The following KTN1 variants were observed in gnomAD, a reference collection of about 807,000 sequenced individuals.
KTN1 encodes the protein kinectin.
KTN1 carries 130 observed loss-of-function variants against 222.5 expected under a neutral mutation model. The observed-to-expected ratio is 0.58, with a 90% CI of 0.51 to 0.68. The LOEUF is 0.68. KTN1 is among the 30% of genes least tolerant of loss of function. The probability of loss-of-function intolerance (pLI) is 0.00; values close to 1 mark genes in which losing one functional copy is unlikely to be tolerated. For missense variants in KTN1, 1,508 were observed against 1,500.4 expected, an observed-to-expected ratio of 1.01 and a Z score of -0.08; for synonymous variants, 512 against 496.3, an observed-to-expected ratio of 1.03 and a Z score of -0.42.
intron 43 of KTN1, 102 bp downstream of exon 43, chr14:55,679,787 C>T: frequency 1.7e-6 from 2 of 1,194,542 alleles, no homozygotes; most frequent in Middle Eastern, 1.9e-4. Flanking sequence ...GGAAATATTC[C>T]TTCTTTATCT....
At chr14:55,672,606 C>T (rs1366252503) in intron 37 of KTN1, 24 bp from the exon 38 acceptor site, 1 of 1,488,148 alleles carries the variant, frequency 6.7e-7, no homozygotes, top group Non-Finnish European at 9.4e-7. Context: ...TTTTACTTGG[C>T]CATGTAATTG....
chr14:55,640,833 A>G, intron 15 of KTN1, 100 bp from the exon 16 acceptor site: 3 of 940,672 alleles, frequency 3.2e-6, no homozygotes, highest in South Asian at 1.5e-5. Context: ...AACTTCAAAT[A>G]TATGGAAATA....
In KTN1 at chr14:55,667,343, T is replaced by A. The variant is rs1300335176; in HGVS notation, c.3267+13T>A. The A allele has an allele frequency of 6.9e-7, 1 of 1,441,070 alleles. No homozygotes were observed. The highest frequency in any genetic ancestry group is 1.4e-5 in the African/African-American group (1 of 70,332). 89.3% of individuals were successfully genotyped at this position (1,441,070 alleles called of 1,614,324 possible). A position where few individuals can be genotyped will look rare whatever the true frequency, so the allele number is the denominator to read the frequency against. The stretch of plus-strand genomic sequence containing the variant: ...CCCTTCTAATTTGGTAAGACTAATT[T>A]ATTATTTTTTTAACATGATGACATT... On this transcript the variant is annotated intron_variant, in intron 34 of 43. Coordinates refer to ENST00000395314, the MANE Select transcript of KTN1 (RefSeq NM_001079521.2).
At chr14:55,634,840 A>G (rs1030305644) in intron 9 of KTN1, among the ~76,000 whole-genome samples, 182 bp downstream of exon 9, 1 of 152,150 alleles carries the variant, frequency 6.6e-6, no homozygotes, top group Non-Finnish European at 1.5e-5. Context: ...CAGAAGGTGA[A>G]GAAGCAGCAA....
In KTN1 at chr14:55,653,096, A is replaced by C; in HGVS notation, c.2763+11A>C. ...CATAACTTGAAAGAGGTATAGTATA[A>C]ACAAATTACCAACATGTTACATAAG... is the stretch of plus-strand genomic sequence containing the variant. On this transcript the variant is annotated intron_variant, in intron 27 of 43. Transcript: ENST00000395314. 6.7e-7 allele frequency: 1 copy of C among 1,498,808 alleles called. No homozygotes were observed. Among genetic ancestry groups the C allele is most frequent in the Non-Finnish European group, 9.2e-7 (1 of 1,081,294 alleles). The allele number at this position is 1,498,808 out of a possible 1,614,324, so 92.8% of individuals were successfully genotyped here.
intron 1 of KTN1, among the ~76,000 whole-genome samples, chr14:55,582,234 C>T (rs973595214): frequency 1.3e-5 from 2 of 152,106 alleles, no homozygotes; most frequent in African/African-American, 4.8e-5. Context: ...CAATTTAGAT[C>T]TTTCTGTATT....
Position 55,648,785 on chromosome 14 carries a change from A to T in KTN1, c.2299-17A>T, listed in dbSNP as rs780084856. The T allele has an allele frequency of 3.9e-6, 6 of 1,540,496 alleles. No homozygotes were observed. In the African/African-American group the frequency reaches 8.2e-5, roughly 21 times the overall value. On this transcript the variant is annotated splice_polypyrimidine_tract_variant and intron_variant, in intron 20 of 43. Coordinates refer to ENST00000395314, the MANE Select transcript of KTN1 (RefSeq NM_001079521.2). ...CAGAGAGTAAAATCATGTTTTGCTT[A>T]TGTGTCTTTGAAAAAGGCAATAAGA...
In KTN1 at chr14:55,643,267, C is replaced by T. The variant is rs373543380; in HGVS notation, c.2172+1507C>T. On this transcript the variant is annotated intron_variant, in intron 18 of 43. Transcript: ENST00000395314. ...TATAGCTTACAAAAAAGATATGATA[C>T]CAATTATAAGATTTCTCTCCCCCCA... Among the ~76,000 whole-genome samples, 5 of 152,178 alleles carry T rather than the reference C, an allele frequency of 3.3e-5. No homozygotes were observed. In the East Asian group the frequency reaches 5.8e-4, roughly 18 times the overall value.
chr14:55,675,693 A>G (rs568645012), intron 40 of KTN1, 142 bp from the exon 41 acceptor site: 28 of 536,838 alleles, frequency 5.2e-5, no homozygotes, highest in East Asian at 1.2e-4. Flanking sequence ...TAGCCTTTCT[A>G]TACATCTGGT....
At chr14:55,671,524 C>T (rs2045449090) in intron 35 of KTN1, 42 bp from the exon 36 acceptor site, 3 of 1,452,628 alleles carry the variant, frequency 2.1e-6, no homozygotes, top group Non-Finnish European at 1.9e-6. Context: ...ATAAAACTTT[C>T]TGGTAGAATT....
Position 55,658,779 on chromosome 14 carries a change from T to G in KTN1, c.2961+165T>G, listed in dbSNP as rs921216745. Among the ~76,000 whole-genome samples the G allele has an allele frequency of 1.2e-4, 18 of 152,330 alleles. 2 individuals carry two copies. Among genetic ancestry groups the G allele is most frequent in the Admixed American group, 1.0e-3 (16 of 15,296 alleles). On this transcript the variant is annotated intron_variant, in intron 30 of 43. Transcript: ENST00000395314. The stretch of plus-strand genomic sequence containing the variant: ...AAAGAAAGCAACTTGCTATGTCATA[T>G]CCAAAGTAAAACAAATCTATAAAGT...
chr14:55,598,264 T>C (rs915849000), intron 1 of KTN1, among the ~76,000 whole-genome samples: 4 of 151,924 alleles, frequency 2.6e-5, no homozygotes, highest in African/African-American at 4.8e-5. Context: ...TGAAACCCCG[T>C]CTCTACTAAA....
chr14:55,677,336 G>A (rs1488954775), intron 41 of KTN1, among the ~76,000 whole-genome samples: 1 of 152,038 alleles, frequency 6.6e-6, no homozygotes, highest in African/African-American at 2.4e-5. Context: ...AATTAGCCGG[G>A]TGTGGTGGTG....
intron 25 of KTN1, 28 bp from the exon 26 acceptor site, chr14:55,652,821 AT>A: frequency 6.7e-7 from 1 of 1,481,618 alleles, no homozygotes; most frequent in African/African-American, 1.4e-5. Flanking sequence ...TAACATTTTC[AT>A]TTAGAGTTCT....
In KTN1 at chr14:55,648,096, C is replaced by T; in HGVS notation, c.2279C>T (p.Thr760Ile). The T allele has an allele frequency of 6.4e-7, 1 of 1,557,990 alleles. No homozygotes were observed. The highest frequency in any genetic ancestry group is 2.3e-5 in the East Asian group (1 of 42,778). ...LLETGLIQVA[T>I]KEEELNAIRT... Reference sequence around the variant, plus strand: ...GAAACTGGACTTATTCAGGTGGCAACTAAAGAAGAGGAGCTGAATGTAAAG... The same window carrying T: ...GAAACTGGACTTATTCAGGTGGCAATTAAAGAAGAGGAGCTGAATGTAAAG... The change falls in exon 20 of 44, where the codon ACT (threonine) becomes ATT (isoleucine). Residue 760 changes from threonine to isoleucine, a missense_variant. By Grantham distance (89) the Thr-to-Ile change is moderately conservative (BLOSUM62 -1). Coordinates refer to ENST00000395314, the MANE Select transcript of KTN1 (RefSeq NM_001079521.2).
intron 24 of KTN1, 152 bp from the exon 25 acceptor site, chr14:55,651,738 G>C: frequency 1.7e-6 from 1 of 571,648 alleles, no homozygotes; most frequent in Non-Finnish European, 3.1e-6. Flanking sequence ...TTGGAGTCAA[G>C]AGGAGGTAAA....
intron 1 of KTN1, among the ~76,000 whole-genome samples, chr14:55,601,052 A>C (rs1379480494): frequency 6.6e-6 from 1 of 152,206 alleles, no homozygotes; most frequent in Non-Finnish European, 1.5e-5. Context: ...TTCTTGGGAA[A>C]GCTGTTCAAA....
Position 55,580,297 on chromosome 14 carries a change from C to T in KTN1, c.-88C>T, listed in dbSNP as rs1165328463. 6.5e-6 allele frequency: 1 copy of T among 154,482 alleles called. No homozygotes were observed. Among genetic ancestry groups the T allele is most frequent in the East Asian group, 1.9e-4 (1 of 5,376 alleles). The allele number at this position is 154,482 out of a possible 1,614,324, so 9.6% of individuals were successfully genotyped here. A position where few individuals can be genotyped will look rare whatever the true frequency, so the allele number is the denominator to read the frequency against. ...GCGGCGGCGCCTCGGAGCGGGCGGC[C>T]CGGGCTGTAGTGCCGGCGCCGCCGC... On this transcript the variant is annotated 5_prime_UTR_variant, in exon 1 of 44. Coordinates refer to ENST00000395314, the MANE Select transcript of KTN1 (RefSeq NM_001079521.2).
intron 1 of KTN1, among the ~76,000 whole-genome samples, chr14:55,610,427 TATATTC>T (rs1268741017): frequency 2.6e-5 from 4 of 152,244 alleles, no homozygotes; most frequent in African/African-American, 9.6e-5. Context: ...GGCAAAGTCT[TATATTC>T]AATAAACTCA....
Sources: allele counts gnomAD v4.1 joint callset (sites outside exome capture counted in the v4.1 genomes callset), GRCh38; gene constraint gnomAD v4.1.1; transcripts MANE v1.5; gene names NCBI Gene and HGNC (gene_info 2026-07-23, HGNC 2026-07-21).